MICAL2: variants seen among roughly 807,000 people sequenced by gnomAD.
MICAL2 encodes the protein microtubule associated monooxygenase, calponin and LIM domain containing 2, also known as [F-actin]-monooxygenase MICAL2.
A neutral mutation model predicts 127.3 loss-of-function variants in MICAL2; 77 were observed. The observed-to-expected ratio is 0.60, with a 90% CI of 0.50 to 0.73. MICAL2 has a LOEUF of 0.73. Ranked by LOEUF, MICAL2 falls within the 30% of genes least tolerant of loss-of-function variation. The pLI is 0.00. For synonymous variants in MICAL2, 570 were observed against 551.1 expected, an observed-to-expected ratio of 1.03 and a Z score of -0.48; for missense variants, 1,351 against 1,434.4, an observed-to-expected ratio of 0.94 and a Z score of 0.94.
intron 29 of MICAL2, among the ~76,000 whole-genome samples, chr11:12,305,959 T>C (rs1307031101): frequency 1.3e-5 from 2 of 152,240 alleles, no homozygotes; most frequent in Admixed American, 6.5e-5. Context: ...GAACACCTTA[T>C]AGCCCTCTAT....
At chr11:12,349,375 GCATGAGCTTCCCTGCCC>G (rs1756241772) in intron 32 of MICAL2, among the ~76,000 whole-genome samples, 1 of 152,038 alleles carries the variant, frequency 6.6e-6, no homozygotes. Context: ...ACCAAATGTG[GCATGAGCTTCCCTGCCC>G]CATGGAAGGA....
At chr11:12,180,532 C>G (rs1857331652) in intron 3 of MICAL2, among the ~76,000 whole-genome samples, 2 of 152,030 alleles carry the variant, frequency 1.3e-5, no homozygotes, top group South Asian at 4.1e-4. Context: ...ATGACTTATC[C>G]CTTGTTAGGG....
intron 29 of MICAL2, among the ~76,000 whole-genome samples, chr11:12,301,345 A>G (rs1864043976): frequency 6.6e-6 from 1 of 152,080 alleles, no homozygotes; most frequent in Non-Finnish European, 1.5e-5. Context: ...GTTCTTTTCC[A>G]TTGCTCCATT....
At chr11:12,318,830 G>T (rs1864259712) in intron 29 of MICAL2, among the ~76,000 whole-genome samples, 1 of 152,106 alleles carries the variant, frequency 6.6e-6, no homozygotes, top group Non-Finnish European at 1.5e-5. Context: ...ATCACACATG[G>T]TCCCCGGCCA....
At chr11:12,266,020 G>A (rs978848551), downstream of MICAL2, among the ~76,000 whole-genome samples, 2 of 152,134 alleles carry the variant, frequency 1.3e-5, no homozygotes, top group Non-Finnish European at 2.9e-5. Flanking sequence ...GCTGAGGCAC[G>A]AGAATCACTT....
At chr11:12,260,545 A>G (rs922206968) in intron 26 of MICAL2, 4 of 1,007,910 alleles carry the variant, frequency 4.0e-6, no homozygotes, top group South Asian at 4.6e-5. Flanking sequence ...GCAGTGAGTT[A>G]TCAAAGCCAC....
chr11:12,255,210 A>C (rs1288196441), intron 22 of MICAL2: 1 of 169,450 alleles, frequency 5.9e-6, no homozygotes, highest in African/African-American at 2.4e-5. Context: ...GAGCCACCAC[A>C]CCCGGCCAGC....
chr11:12,316,701 G>C (rs1461114123), intron 29 of MICAL2, among the ~76,000 whole-genome samples: 1 of 151,808 alleles, frequency 6.6e-6, no homozygotes, highest in Non-Finnish European at 1.5e-5. Context: ...TCTAGTAATT[G>C]TTCACCAGCT....
intron 33 of MICAL2, among the ~76,000 whole-genome samples, chr11:12,350,877 T>G (rs1939032475): frequency 6.6e-6 from 1 of 152,134 alleles, no homozygotes; most frequent in Non-Finnish European, 1.5e-5. Context: ...AAAATCAAGG[T>G]GTTGGGGGAG....
intron 2 of MICAL2, among the ~76,000 whole-genome samples, chr11:12,141,532 G>A (rs1852351855): frequency 6.6e-6 from 1 of 152,200 alleles, no homozygotes; most frequent in South Asian, 2.1e-4. Context: ...TTATGCCAGA[G>A]TGCAGATAAG....
At chr11:12,123,526 A>G (rs1850676389) in intron 1 of MICAL2, among the ~76,000 whole-genome samples, 1 of 152,204 alleles carries the variant, frequency 6.6e-6, no homozygotes, top group Non-Finnish European at 1.5e-5. Flanking sequence ...AATGGTCCTT[A>G]AAAGTATTGG....
intron 1 of MICAL2, among the ~76,000 whole-genome samples, chr11:12,116,059 C>T (rs1297919341): frequency 6.6e-6 from 1 of 150,378 alleles, no homozygotes; most frequent in African/African-American, 2.5e-5. Context: ...TGGCTCACTG[C>T]AAGCTCTGCC....
rs528949159 is a variant in MICAL2, at chr11:12,202,378, G to A, written c.265-1872G>A. ...ATCCCAGCTCTCCCCCTTTCAATCT[G>A]TAAAAGCATGAGCCAATTAAGCAGC... is the stretch of plus-strand genomic sequence containing the variant. On this transcript the variant is annotated intron_variant, in intron 3 of 27. Coordinates refer to ENST00000683283, the MANE Select transcript of MICAL2 (RefSeq NM_001282663.2). Among the ~76,000 whole-genome samples the A allele has an allele frequency of 7.9e-5, 12 of 152,286 alleles. No individual in the cohort carries two copies. In the East Asian group the frequency reaches 1.7e-3, roughly 22 times the overall value.
chr11:12,182,187 A>T (rs1857558136), intron 3 of MICAL2, among the ~76,000 whole-genome samples: 1 of 152,204 alleles, frequency 6.6e-6, no homozygotes, highest in African/African-American at 2.4e-5. Context: ...TTTAAAGAAA[A>T]TATTCTGAGA....
At chr11:12,293,990 C>A, downstream of MICAL2, 1 of 1,614,144 alleles carries the variant, frequency 6.2e-7, no homozygotes, top group Non-Finnish European at 8.5e-7. Flanking sequence ...CACTCAGGAG[C>A]AGAAGACCAT....
At chr11:12,357,647 G>A (rs1036801037) in intron 34 of MICAL2, among the ~76,000 whole-genome samples, 4 of 152,096 alleles carry the variant, frequency 2.6e-5, no homozygotes, top group Non-Finnish European at 4.4e-5. Flanking sequence ...GACCACCCTG[G>A]CCAACATGGT....
intron 34 of MICAL2, among the ~76,000 whole-genome samples, chr11:12,357,868 G>A (rs1293468467): frequency 6.6e-6 from 1 of 152,090 alleles, no homozygotes; most frequent in Non-Finnish European, 1.5e-5. Flanking sequence ...AAAGATTGTG[G>A]TCATTGAAAC....
chr11:12,350,246 G>A (rs1294273625), intron 33 of MICAL2, among the ~76,000 whole-genome samples: 1 of 152,120 alleles, frequency 6.6e-6, no homozygotes, highest in African/African-American at 2.4e-5. Flanking sequence ...CTTAAAAGAG[G>A]GATCACACAC....
chr11:12,257,493 A>G (rs1193947136), intron 24 of MICAL2, among the ~76,000 whole-genome samples: 2 of 152,240 alleles, frequency 1.3e-5, no homozygotes, highest in Non-Finnish European at 2.9e-5. Flanking sequence ...TCTAATTTTC[A>G]GCACTTGACA....
Sources: allele counts gnomAD v4.1 joint callset (sites outside exome capture counted in the v4.1 genomes callset), GRCh38; gene constraint gnomAD v4.1.1; transcripts MANE v1.5; gene names NCBI Gene and HGNC (gene_info 2026-07-23, HGNC 2026-07-21).